Variants in FCHSD2 observed in about 807,000 individuals in gnomAD.
FCHSD2 encodes the protein F-BAR and double SH3 domains protein 2.
A neutral mutation model predicts 108.1 loss-of-function variants in FCHSD2; 38 were observed. That is an observed-to-expected ratio of 0.35 (90% CI 0.27 to 0.46). FCHSD2 has a LOEUF of 0.46. Ranked by LOEUF, FCHSD2 falls within the 20% of genes least tolerant of loss-of-function variation. The probability of loss-of-function intolerance (pLI) is 1.00; values close to 1 mark genes in which losing one functional copy is unlikely to be tolerated. For missense variants in FCHSD2, 751 were observed against 897.8 expected, an observed-to-expected ratio of 0.84 and a Z score of 2.09; for synonymous variants, 279 against 314.7, an observed-to-expected ratio of 0.89 and a Z score of 1.20.
chr11:72,971,734 G>A (rs1256598614), intron 8 of FCHSD2, among the ~76,000 whole-genome samples: 1 of 152,126 alleles, frequency 6.6e-6, no homozygotes, highest in Non-Finnish European at 1.5e-5. Context: ...ATGCAGCCAA[G>A]GTGACATTTG....
At chr11:72,971,042 G>A (rs1404923183) in intron 8 of FCHSD2, among the ~76,000 whole-genome samples, 3 of 152,126 alleles carry the variant, frequency 2.0e-5, no homozygotes, top group Admixed American at 6.5e-5. Flanking sequence ...TGAGTGGTAC[G>A]GAGATAAGTT....
At chr11:72,870,923 A>G (rs940849672) in intron 12 of FCHSD2, among the ~76,000 whole-genome samples, 14 of 146,676 alleles carry the variant, frequency 9.5e-5, no homozygotes, top group African/African-American at 3.3e-4. Flanking sequence ...AAAAAAAAAG[A>G]ATTCCCCCTT....
At chr11:73,021,373 A>T (rs904735395) in intron 3 of FCHSD2, among the ~76,000 whole-genome samples, 3 of 152,202 alleles carry the variant, frequency 2.0e-5, no homozygotes, top group African/African-American at 7.2e-5. Context: ...AATACTATGC[A>T]GCCATAAAAA....
intron 4 of FCHSD2, among the ~76,000 whole-genome samples, chr11:73,004,805 G>GTAC (rs2135421929): frequency 6.6e-6 from 1 of 152,216 alleles, no homozygotes; most frequent in South Asian, 2.1e-4. Flanking sequence ...CCCAGCAAGG[G>GTAC]TACTACATTT....
At chr11:72,873,093 G>C (rs910489530) in intron 12 of FCHSD2, among the ~76,000 whole-genome samples, 3 of 152,184 alleles carry the variant, frequency 2.0e-5, no homozygotes, top group African/African-American at 7.2e-5. Flanking sequence ...ACTTCGGGAG[G>C]CTGAGGCGGG....
At chr11:72,913,961 C>T (rs1167757462) in intron 9 of FCHSD2, among the ~76,000 whole-genome samples, 1 of 152,050 alleles carries the variant, frequency 6.6e-6, no homozygotes, top group African/African-American at 2.4e-5. Flanking sequence ...ATACTATGCT[C>T]ATGGACAGGA....
intron 12 of FCHSD2, among the ~76,000 whole-genome samples, 153 bp from the exon 13 acceptor site, chr11:72,868,179 A>G (rs1854771945): frequency 6.6e-6 from 1 of 152,240 alleles, no homozygotes; most frequent in African/African-American, 2.4e-5. Flanking sequence ...TAAAAAGGAC[A>G]GAGATCATAT....
At chr11:72,857,214 T>C (rs1030560533) in intron 13 of FCHSD2, among the ~76,000 whole-genome samples, 1 of 152,234 alleles carries the variant, frequency 6.6e-6, no homozygotes, top group African/African-American at 2.4e-5. Context: ...TTCCAAAGCA[T>C]GTCATCTCAG....
chr11:73,107,040 T>C (rs1860361209), intron 2 of FCHSD2, among the ~76,000 whole-genome samples: 1 of 152,054 alleles, frequency 6.6e-6, no homozygotes, highest in African/African-American at 2.4e-5. Flanking sequence ...AAAAGCTATA[T>C]ATATATATAT....
At chr11:73,096,885 A>AGAC (rs1860091175) in intron 2 of FCHSD2, among the ~76,000 whole-genome samples, 1 of 149,734 alleles carries the variant, frequency 6.7e-6, no homozygotes, top group Non-Finnish European at 1.5e-5. Context: ...TCTTTTTATC[A>AGAC]TGAAAGAGTG....
chr11:73,139,986 GA>G (rs1216502702), intron 2 of FCHSD2, 44 bp downstream of exon 2: 1 of 1,114,744 alleles, frequency 9.0e-7, no homozygotes, highest in Non-Finnish European at 1.3e-6. Context: ...AAGGTTCTTT[GA>G]AACAGACAAA....
chr11:72,917,608 G>A (rs374084325), intron 9 of FCHSD2, among the ~76,000 whole-genome samples: 1 of 152,098 alleles, frequency 6.6e-6, no homozygotes, highest in Admixed American at 6.6e-5. Flanking sequence ...AGACTGGGCC[G>A]AGTGCAGTGG....
chr11:73,126,059 C>T (rs757825886), intron 2 of FCHSD2, among the ~76,000 whole-genome samples: 10 of 151,922 alleles, frequency 6.6e-5, no homozygotes, highest in African/African-American at 2.4e-4. Flanking sequence ...AAGAATTCCA[C>T]GGCCAGGTGC....
At chr11:72,913,351 C>T (rs780380171) in intron 9 of FCHSD2, among the ~76,000 whole-genome samples, 5 of 152,202 alleles carry the variant, frequency 3.3e-5, no homozygotes, top group Non-Finnish European at 5.9e-5. Context: ...TCACTGCAAA[C>T]TCTGCCTCCC....
chr11:73,032,684 C>T (rs1858389772), intron 3 of FCHSD2, among the ~76,000 whole-genome samples: 1 of 150,924 alleles, frequency 6.6e-6, no homozygotes, highest in Non-Finnish European at 1.5e-5. Context: ...GCAGAGAGAT[C>T]GAGTCAGGGA....
At chr11:72,964,858 C>A (rs1323683405) in intron 8 of FCHSD2, among the ~76,000 whole-genome samples, 1 of 147,806 alleles carries the variant, frequency 6.8e-6, no homozygotes. Flanking sequence ...GGCAGGATCT[C>A]GGCTCACTGC....
At chr11:72,841,655 C>T in intron 17 of FCHSD2, 72 bp from the exon 18 acceptor site, 1 of 1,425,826 alleles carries the variant, frequency 7.0e-7, no homozygotes, top group Admixed American at 2.8e-5. Flanking sequence ...TCTCTGACTG[C>T]TCTGTACTCA....
At chr11:73,033,220 G>A (rs779308493) in intron 3 of FCHSD2, among the ~76,000 whole-genome samples, 4 of 151,612 alleles carry the variant, frequency 2.6e-5, no homozygotes, top group African/African-American at 7.3e-5. Context: ...CCCGGGAGGC[G>A]GAGGTTGCAG....
chr11:72,934,856 G>A (rs1190661582), intron 8 of FCHSD2, among the ~76,000 whole-genome samples: 1 of 152,118 alleles, frequency 6.6e-6, no homozygotes, highest in Non-Finnish European at 1.5e-5. Context: ...TAATTCTGTA[G>A]TAATTGAGAA....
Sources: allele counts gnomAD v4.1 joint callset (sites outside exome capture counted in the v4.1 genomes callset), GRCh38; gene constraint gnomAD v4.1.1; transcripts MANE v1.5; gene names NCBI Gene and HGNC (gene_info 2026-07-23, HGNC 2026-07-21).